Variants in VPS8 observed in about 807,000 individuals in gnomAD.
The protein encoded by VPS8 is vacuolar protein sorting-associated protein 8 homolog.
In VPS8, 129 loss-of-function variants were observed where a neutral mutation model predicts 216.4. The ratio of observed to expected loss-of-function variants is 0.60; its 90% CI spans 0.52 to 0.69. The LOEUF is 0.69. Among genes scored for constraint, VPS8 ranks in the 30% least tolerant of loss-of-function variants. VPS8 has a pLI of 0.00. For synonymous variants in VPS8, 571 were observed against 565.4 expected, an observed-to-expected ratio of 1.01 and a Z score of -0.14; for missense variants, 1,531 against 1,683.5, an observed-to-expected ratio of 0.91 and a Z score of 1.59.
At chr3:184,881,928 T>C (rs903355440) in intron 21 of VPS8, among the ~76,000 whole-genome samples, 3 of 152,098 alleles carry the variant, frequency 2.0e-5, no homozygotes, top group African/African-American at 7.2e-5. Context: ...GTTTATTTTA[T>C]ATTCTGCAAT....
intron 15 of VPS8, among the ~76,000 whole-genome samples, chr3:184,861,703 T>G (rs534615270): frequency 1.2e-4 from 19 of 152,330 alleles, no homozygotes; most frequent in South Asian, 1.2e-3. Context: ...AAAGGCTTAT[T>G]TACAACAATG....
intron 4 of VPS8, 95 bp from the exon 5 acceptor site, chr3:184,834,551 TCTG>T: frequency 1.1e-6 from 1 of 900,504 alleles, no homozygotes; most frequent in Non-Finnish European, 1.6e-6. Context: ...AATGTTGTCT[TCTG>T]CTTTTTGTGC....
At chr3:185,015,427 A>G (rs1381048797) in intron 45 of VPS8, among the ~76,000 whole-genome samples, 1 of 152,254 alleles carries the variant, frequency 6.6e-6, no homozygotes, top group Non-Finnish European at 1.5e-5. Flanking sequence ...ACGTATGAAG[A>G]ATCAGAAATC....
chr3:185,010,292 T>G (rs1754832148), intron 45 of VPS8, among the ~76,000 whole-genome samples: 1 of 152,162 alleles, frequency 6.6e-6, no homozygotes, highest in African/African-American at 2.4e-5. Flanking sequence ...TATTAAAGAA[T>G]TATAAAAATA....
intron 36 of VPS8, among the ~76,000 whole-genome samples, chr3:184,941,702 C>G (rs1742729855): frequency 6.6e-6 from 1 of 152,046 alleles, no homozygotes; most frequent in Non-Finnish European, 1.5e-5. Flanking sequence ...GCACAGTTCC[C>G]TCTTTTCCTC....
intron 42 of VPS8, among the ~76,000 whole-genome samples, chr3:184,988,426 G>A (rs1239490070): frequency 6.6e-6 from 1 of 152,152 alleles, no homozygotes; most frequent in Non-Finnish European, 1.5e-5. Flanking sequence ...TTGTTGAAAG[G>A]ACTGTCCCTT....
In VPS8 at chr3:184,900,871, T is replaced by C. The variant is rs199529376; in HGVS notation, c.2095-50T>C. 2.0e-6 allele frequency: 3 copies of C among 1,466,102 alleles called. No individual in the cohort carries two copies. In the East Asian group the frequency reaches 6.8e-5, roughly 33 times the overall value. The allele number at this position is 1,466,102 out of a possible 1,614,324, so 90.8% of individuals were successfully genotyped here. On this transcript the variant is annotated intron_variant, in intron 24 of 47. Coordinates refer to ENST00000625842, the MANE Select transcript of VPS8 (RefSeq NM_001009921.3). ...TAGCATAAGATTCTTATTTTTTAAATAATATCATTTGAGATGATGATGATT... is the reference window on the plus strand; with the variant it reads ...TAGCATAAGATTCTTATTTTTTAAACAATATCATTTGAGATGATGATGATT...
intron 46 of VPS8, among the ~76,000 whole-genome samples, chr3:185,040,731 A>G (rs1376527602): frequency 2.0e-5 from 3 of 152,164 alleles, no homozygotes; most frequent in African/African-American, 4.8e-5. Flanking sequence ...TAACATACTG[A>G]TATCAAACTC....
rs750683640 is a variant in VPS8, at chr3:184,839,969, T to C, written c.535+217T>C. ...GTTTATTTTCTTCTTCATGAATTTATAAGCTATCATATCTATTGATCTCTC... is the reference window on the plus strand; with the variant it reads ...GTTTATTTTCTTCTTCATGAATTTACAAGCTATCATATCTATTGATCTCTC... On this transcript the variant is annotated intron_variant, in intron 7 of 47. Coordinates refer to ENST00000625842, the MANE Select transcript of VPS8 (RefSeq NM_001009921.3). The C allele has an allele frequency of 2.2e-4, 263 of 1,216,764 alleles. 1 individual carries two copies. Among genetic ancestry groups the C allele is most frequent in the Admixed American group, 1.1e-3 (31 of 27,842 alleles). 75.4% of individuals were successfully genotyped at this position (1,216,764 alleles called of 1,614,324 possible). A position where few individuals can be genotyped will look rare whatever the true frequency, so the allele number is the denominator to read the frequency against.
chr3:184,954,719 A>G lies in VPS8; in HGVS notation c.3036-2655A>G, dbSNP rs115716717. 6.2e-3 allele frequency among the ~76,000 whole-genome samples: 951 copies of G among 152,214 alleles called. 5 individuals carry two copies. The highest frequency in any genetic ancestry group is 0.023 in the South Asian group (113 of 4,822). Reference sequence around the variant, plus strand: ...TAGTCCCTGTAGTTTTCAGCCCTCTATTCTTCGTTTTTGTGGGCGAAAGAT... The same window carrying G: ...TAGTCCCTGTAGTTTTCAGCCCTCTGTTCTTCGTTTTTGTGGGCGAAAGAT... On this transcript the variant is annotated intron_variant, in intron 36 of 47. Coordinates refer to ENST00000625842, the MANE Select transcript of VPS8 (RefSeq NM_001009921.3).
At chr3:184,850,843 T>TTACAA (rs1276097320) in intron 10 of VPS8, among the ~76,000 whole-genome samples, 1 of 151,444 alleles carries the variant, frequency 6.6e-6, no homozygotes, top group Non-Finnish European at 1.5e-5. Context: ...TCTAAGTTAG[T>TTACAA]TACAAAAAAG....
intron 46 of VPS8, among the ~76,000 whole-genome samples, chr3:185,027,154 A>T (rs1166472413): frequency 6.6e-6 from 1 of 152,002 alleles, no homozygotes; most frequent in Non-Finnish European, 1.5e-5. Flanking sequence ...ATACCATGGA[A>T]GGTGCACAGG....
At chr3:184,874,960 A>G (rs1728979811) in intron 21 of VPS8, among the ~76,000 whole-genome samples, 1 of 151,746 alleles carries the variant, frequency 6.6e-6, no homozygotes, top group Non-Finnish European at 1.5e-5. Flanking sequence ...AAAATGACCT[A>G]CTTATGATGT....
intron 20 of VPS8, 132 bp downstream of exon 20, chr3:184,869,660 CAG>C: frequency 2.6e-6 from 2 of 780,952 alleles, no homozygotes; most frequent in Non-Finnish European, 4.0e-6. Context: ...CACACACACA[CAG>C]ACACACACTT....
At chr3:185,034,712 GTTTAATTA>G (rs1758647589) in intron 46 of VPS8, among the ~76,000 whole-genome samples, 1 of 151,846 alleles carries the variant, frequency 6.6e-6, no homozygotes, top group African/African-American at 2.4e-5. Context: ...ATGCTCTTTA[GTTTAATTA>G]GGTCCCACTT....
chr3:184,933,411 C>T (rs551191965), intron 34 of VPS8, among the ~76,000 whole-genome samples: 1 of 152,204 alleles, frequency 6.6e-6, no homozygotes, highest in South Asian at 2.1e-4. Context: ...TGAAATGTCT[C>T]ATACTTACTG....
chr3:184,987,400 C>T (rs899481839), intron 42 of VPS8, among the ~76,000 whole-genome samples: 4 of 131,188 alleles, frequency 3.0e-5, no homozygotes, highest in Admixed American at 8.5e-5. Flanking sequence ...AGGTGCGAGT[C>T]ACCGTGCCCA....
intron 29 of VPS8, among the ~76,000 whole-genome samples, chr3:184,923,467 C>G (rs1262854055): frequency 6.6e-6 from 1 of 152,176 alleles, no homozygotes; most frequent in Non-Finnish European, 1.5e-5. Flanking sequence ...CCCTTAGACT[C>G]CTGCAGTCAC....
chr3:184,827,960 A>G (rs1268077449), intron 3 of VPS8, among the ~76,000 whole-genome samples: 3 of 152,206 alleles, frequency 2.0e-5, no homozygotes, highest in African/African-American at 7.2e-5. Context: ...TGAAGACGAT[A>G]AGGGGGCTGT....
Sources: allele counts gnomAD v4.1 joint callset (sites outside exome capture counted in the v4.1 genomes callset), GRCh38; gene constraint gnomAD v4.1.1; transcripts MANE v1.5; gene names NCBI Gene and HGNC (gene_info 2026-07-23, HGNC 2026-07-21).